RPS6KA2: variants seen among roughly 807,000 people sequenced by gnomAD.
RPS6KA2 encodes ribosomal protein S6 kinase alpha-2.
Under a neutral mutation model 91.8 loss-of-function variants are expected in RPS6KA2, and 42 were observed. That is an observed-to-expected ratio of 0.46 (90% CI 0.36 to 0.59). The LOEUF (loss-of-function observed/expected upper bound fraction) is 0.59, where lower values mean the gene tolerates loss of function less well. Ranked by LOEUF, RPS6KA2 falls within the 20% of genes least tolerant of loss-of-function variation. The probability of loss-of-function intolerance (pLI) is 0.00; values close to 1 mark genes in which losing one functional copy is unlikely to be tolerated. For missense variants in RPS6KA2, 798 were observed against 978.5 expected (o/e 0.82, Z 2.46); for synonymous variants, 414 against 393.6 (o/e 1.05, Z -0.61).
At position 166,493,223 on chromosome 6, in the gene RPS6KA2, C is replaced by G. The variant is rs1234474750; in HGVS notation, c.748-2482G>C. Among the ~76,000 whole-genome samples, 1 of 152,144 alleles carries G rather than the reference C, an allele frequency of 6.6e-6. No individual in the cohort carries two copies. The highest frequency in any genetic ancestry group is 2.4e-5 in the African/African-American group (1 of 41,444). ...CTGCTTCTTGGTGATGAAGGTGCTG[C>G]TGACGGTGGGGATGATGCTGGGGCG... is the stretch of plus-strand genomic sequence containing the variant. On this transcript the variant is annotated intron_variant, in intron 8 of 20. Coordinates refer to ENST00000265678, the MANE Select transcript of RPS6KA2 (RefSeq NM_021135.6). The surrounding 1 kb of genome is among the most constrained non-coding windows in gnomAD (Gnocchi z 4.7).
At chr6:166,827,053 AC>A (rs1210953719) in intron 2 of RPS6KA2, among the ~76,000 whole-genome samples, 2 of 152,184 alleles carry the variant, frequency 1.3e-5, no homozygotes, top group African/African-American at 4.8e-5. Flanking sequence ...GTCAAAGAGC[AC>A]AAAGTGTTAG....
chr6:166,770,714 C>T lies in RPS6KA2; in HGVS notation c.123+87486G>A. On this transcript the variant is annotated intron_variant, in intron 2 of 21. Transcript: ENST00000503859. This position sits in a 1 kb window ranked among gnomAD's most constrained non-coding sequence, Gnocchi z 5.1. ...ACATTTTCCTGTGGAGTGGTCCAGC[C>T]TTCTAAAAGCTCTTCGCACCTTGCC... The T allele has an allele frequency of 4.2e-6, 3 of 714,872 alleles. No individual in the cohort carries two copies. Among genetic ancestry groups the T allele is most frequent in the Non-Finnish European group, 6.9e-6 (3 of 435,886 alleles). 44.3% of individuals were successfully genotyped at this position (714,872 alleles called of 1,614,324 possible).
intron 2 of RPS6KA2, among the ~76,000 whole-genome samples, chr6:166,824,645 CTG>C (rs55815873): frequency 0.59 from 86,712 of 147,466 alleles, 25,942 homozygotes; most frequent in Middle Eastern, 0.74. Context: ...GTCTGTATGT[CTG>C]TGTGTGTGTG....
upstream of RPS6KA2, among the ~76,000 whole-genome samples, chr6:166,630,446 T>C (rs773262935): frequency 3.9e-5 from 6 of 152,240 alleles, no homozygotes; most frequent in Admixed American, 1.3e-4. Flanking sequence ...ATCTTTAAAA[T>C]AAATTGAAAC....
At chr6:166,592,640 A>C (rs1161801661) in intron 1 of RPS6KA2, among the ~76,000 whole-genome samples, 1 of 151,746 alleles carries the variant, frequency 6.6e-6, no homozygotes, top group African/African-American at 2.4e-5. Flanking sequence ...GAAGCACAGA[A>C]AGGGACGGGG....
chr6:166,666,296 G>T lies in RPS6KA2; in HGVS notation c.124-127512C>A, dbSNP rs1788313940. On this transcript the variant is annotated intron_variant, in intron 2 of 21. Transcript: ENST00000503859. This position sits in a 1 kb window ranked among gnomAD's most constrained non-coding sequence, Gnocchi z 4.0. ...AAGGGAGCACTCTGTAAAAGCAGGG[G>T]ATGATGTGTAAACCCATCCATCTTC... Among the ~76,000 whole-genome samples the T allele has an allele frequency of 6.6e-6, 1 of 152,190 alleles. No individual in the cohort carries two copies. Among genetic ancestry groups the T allele is most frequent in the Admixed American group, 6.5e-5 (1 of 15,286 alleles).
intron 2 of RPS6KA2, among the ~76,000 whole-genome samples, chr6:166,826,678 A>G (rs923972317): frequency 6.6e-6 from 1 of 152,222 alleles, no homozygotes; most frequent in Non-Finnish European, 1.5e-5. Context: ...CACATCCCAT[A>G]AAACTGTCTT....
chr6:166,413,062 T>C, intron 20 of RPS6KA2, among the ~76,000 whole-genome samples, 175 bp from the exon 21 acceptor site: 1 of 152,006 alleles, frequency 6.6e-6, no homozygotes. Context: ...CCAGCACACG[T>C]GGGCCCCAGG....
chr6:166,845,355 A>C (rs1334340988), intron 2 of RPS6KA2, among the ~76,000 whole-genome samples: 3 of 152,228 alleles, frequency 2.0e-5, no homozygotes, highest in Non-Finnish European at 4.4e-5. Context: ...ACCCTACAAC[A>C]AATGGACTTA....
chr6:166,598,022 G>A (rs1785600815), intron 1 of RPS6KA2, among the ~76,000 whole-genome samples: 1 of 152,200 alleles, frequency 6.6e-6, no homozygotes, highest in South Asian at 2.1e-4. Flanking sequence ...ATGGGTCCAG[G>A]AGCAGTCCCA....
At chr6:166,760,125 A>C (rs1778126867) in intron 2 of RPS6KA2, among the ~76,000 whole-genome samples, 1 of 152,242 alleles carries the variant, frequency 6.6e-6, no homozygotes, top group African/African-American at 2.4e-5. Flanking sequence ...TCTTTTGGCT[A>C]TCTGTAACCT....
chr6:166,422,932 G>A (rs1278978187), intron 17 of RPS6KA2, among the ~76,000 whole-genome samples: 2 of 152,324 alleles, frequency 1.3e-5, no homozygotes, highest in East Asian at 3.9e-4. Context: ...GTTGTATAAG[G>A]AGACTACTGC....
At chr6:166,809,104 A>G (rs563210383) in intron 2 of RPS6KA2, among the ~76,000 whole-genome samples, 33 of 152,348 alleles carry the variant, frequency 2.2e-4, no homozygotes, top group African/African-American at 7.7e-4. Context: ...TCACAAGTCA[A>G]TGGGGGAAAG....
At chr6:166,773,400 TG>T (rs1186598482) in intron 2 of RPS6KA2, among the ~76,000 whole-genome samples, 1 of 152,008 alleles carries the variant, frequency 6.6e-6, no homozygotes, top group Non-Finnish European at 1.5e-5. Flanking sequence ...TTTTTTGTTT[TG>T]TTTTGTTTTG....
At chr6:166,841,245 C>T (rs1314239884) in intron 2 of RPS6KA2, among the ~76,000 whole-genome samples, 1 of 152,090 alleles carries the variant, frequency 6.6e-6, no homozygotes, top group African/African-American at 2.4e-5. Flanking sequence ...AGAGTGAGAT[C>T]GTGTATCAAA....
chr6:166,703,911 T>C (rs572604308), intron 2 of RPS6KA2, among the ~76,000 whole-genome samples: 2 of 152,340 alleles, frequency 1.3e-5, no homozygotes, highest in South Asian at 4.1e-4. Flanking sequence ...TACAATGAAA[T>C]AGAATAATTT....
At chr6:166,780,036 C>T (rs910898546) in intron 2 of RPS6KA2, among the ~76,000 whole-genome samples, 1 of 152,194 alleles carries the variant, frequency 6.6e-6, no homozygotes, top group Non-Finnish European at 1.5e-5. Flanking sequence ...GAAAGGCCTC[C>T]TCTGCTTTTC....
rs540585970 is a variant in RPS6KA2, at chr6:166,569,361, C to T, written c.100-30577G>A. Among the ~76,000 whole-genome samples the T allele has an allele frequency of 1.1e-4, 16 of 152,358 alleles. No individual in the cohort carries two copies. In the South Asian group the frequency reaches 2.9e-3, roughly 28 times the overall value. On this transcript the variant is annotated intron_variant, in intron 1 of 20. Coordinates refer to ENST00000265678, the MANE Select transcript of RPS6KA2 (RefSeq NM_021135.6). ...AGGTTAGCGCTGTTCCTGCCCTGGC[C>T]GCTTTCCAAGTGATGTTTACTCCCA... is the stretch of plus-strand genomic sequence containing the variant.
rs1475646340 is a variant in RPS6KA2, at chr6:166,410,672, T to G, written c.*2090A>C. 6.6e-6 allele frequency: 1 copy of G among 152,032 alleles called. No individual in the cohort carries two copies. The highest frequency in any genetic ancestry group is 1.5e-5 in the Non-Finnish European group (1 of 68,002). The allele number at this position is 152,032 out of a possible 1,614,324, so 9.4% of individuals were successfully genotyped here. A position where few individuals can be genotyped will look rare whatever the true frequency, so the allele number is the denominator to read the frequency against. On this transcript the variant is annotated 3_prime_UTR_variant, in exon 21 of 21. Coordinates refer to ENST00000265678, the MANE Select transcript of RPS6KA2 (RefSeq NM_021135.6). ...AAAAAGACCATGAGCTGGTGCCCCATGGGCACACAAGGAGGGAAAACCGTG... is the reference window on the plus strand; with the variant it reads ...AAAAAGACCATGAGCTGGTGCCCCAGGGGCACACAAGGAGGGAAAACCGTG...
Sources: allele counts gnomAD v4.1 joint callset (sites outside exome capture counted in the v4.1 genomes callset), GRCh38; gene constraint gnomAD v4.1.1; non-coding constraint Gnocchi (gnomAD v3.1); transcripts MANE v1.5; gene names NCBI Gene and HGNC (gene_info 2026-07-23, HGNC 2026-07-21).